The following ZNF536 variants were observed in gnomAD, a reference collection of about 807,000 sequenced individuals.
The protein encoded by ZNF536 is zinc finger protein 536.
Under a neutral mutation model 84.5 loss-of-function variants are expected in ZNF536, and 13 were observed. That is an observed-to-expected ratio of 0.15 (90% CI 0.10 to 0.24). The LOEUF is 0.24. ZNF536 is among the 10% of genes least tolerant of loss of function. The probability of loss-of-function intolerance (pLI) is 1.00; values close to 1 mark genes in which losing one functional copy is unlikely to be tolerated. For synonymous variants in ZNF536, 811 were observed against 742.5 expected, an observed-to-expected ratio of 1.09 and a Z score of -1.50; for missense variants, 1,536 against 1,747.5, an observed-to-expected ratio of 0.88 and a Z score of 2.16.
At chr19:30,226,093 C>A (rs988853015), upstream of ZNF536, among the ~76,000 whole-genome samples, 4 of 151,884 alleles carry the variant, frequency 2.6e-5, no homozygotes, top group African/African-American at 9.7e-5. The surrounding 1 kb of genome is among the most constrained non-coding windows in gnomAD (Gnocchi z 4.6). Context: ...AAAGGAGTCC[C>A]GAGGCCTGGC....
At chr19:30,430,360 CCTGTGCCTGGCT>C (rs1292709077) in intron 1 of ZNF536, among the ~76,000 whole-genome samples, 1 of 152,152 alleles carries the variant, frequency 6.6e-6, no homozygotes, top group East Asian at 1.9e-4. Flanking sequence ...AAGTGCCTCC[CCTGTGCCTGGCT>C]CTGTGTTGGG....
chr19:30,562,115 T>G (rs1404290664), downstream of ZNF536, among the ~76,000 whole-genome samples: 1 of 152,198 alleles, frequency 6.6e-6, no homozygotes, highest in Non-Finnish European at 1.5e-5. Context: ...GTGTCCTCTT[T>G]GGGCACCATT....
intron 1 of ZNF536, among the ~76,000 whole-genome samples, chr19:30,251,714 C>T (rs2024621287): frequency 6.6e-6 from 1 of 152,056 alleles, no homozygotes; most frequent in Admixed American, 6.5e-5. Flanking sequence ...AATTTGTAGT[C>T]TTTTATTCCT....
At chr19:30,514,314 T>G (rs544670186) in intron 2 of ZNF536, among the ~76,000 whole-genome samples, 50 of 152,266 alleles carry the variant, frequency 3.3e-4, no homozygotes, top group African/African-American at 1.2e-3. Context: ...GTTTTCACCC[T>G]GAGCCTCCCC....
rs139517802 is a variant in ZNF536, at chr19:30,483,298, G to A, written c.2170+37566G>A. 3.6e-3 allele frequency among the ~76,000 whole-genome samples: 552 copies of A among 152,226 alleles called. 8 individuals are homozygous for A. The highest frequency in any genetic ancestry group is 0.012 in the African/African-American group (509 of 41,552). On this transcript the variant is annotated intron_variant, in intron 2 of 4. Transcript: ENST00000355537. Reference sequence around the variant, plus strand: ...CCCTTGGCAGGTCAGCTGGCCTCCCGGAAAACATGGTCCTCTCCCCTTCTG... The same window carrying A: ...CCCTTGGCAGGTCAGCTGGCCTCCCAGAAAACATGGTCCTCTCCCCTTCTG...
chr19:30,532,639 G>T (rs2044885510), intron 2 of ZNF536, among the ~76,000 whole-genome samples: 2 of 152,056 alleles, frequency 1.3e-5, no homozygotes, highest in African/African-American at 2.4e-5. Flanking sequence ...TCCAGCAAAA[G>T]GGAAGCTGAG....
chr19:30,566,793 C>G (rs2046365860), intron 1 of ZNF536, among the ~76,000 whole-genome samples: 1 of 149,454 alleles, frequency 6.7e-6, no homozygotes, highest in Non-Finnish European at 1.5e-5. Flanking sequence ...CCTGTGGCCT[C>G]TCCGGACAGT....
At chr19:30,481,094 T>C (rs1264414904) in intron 2 of ZNF536, among the ~76,000 whole-genome samples, 8 of 152,126 alleles carry the variant, frequency 5.3e-5, no homozygotes, top group African/African-American at 1.9e-4. Flanking sequence ...ATTTTTTCTT[T>C]CCTTGGCTTT....
At chr19:30,660,315 G>A (rs947204760) in intron 1 of ZNF536, among the ~76,000 whole-genome samples, 3 of 152,152 alleles carry the variant, frequency 2.0e-5, no homozygotes, top group South Asian at 2.1e-4. Flanking sequence ...TCCGAGAGAC[G>A]TTGTTTGACT....
intron 1 of ZNF536, among the ~76,000 whole-genome samples, chr19:30,585,687 C>A (rs1424408111): frequency 1.3e-5 from 2 of 152,164 alleles, no homozygotes; most frequent in African/African-American, 2.4e-5. Context: ...TCAAGCAGCC[C>A]AGTCTCATCC....
At chr19:30,678,114 T>C (rs2050822089) in intron 1 of ZNF536, among the ~76,000 whole-genome samples, 1 of 152,150 alleles carries the variant, frequency 6.6e-6, no homozygotes, top group South Asian at 2.1e-4. Context: ...AAAGGGTCCA[T>C]GAAAAAGCAG....
intron 1 of ZNF536, among the ~76,000 whole-genome samples, chr19:30,420,352 G>T (rs1361746673): frequency 6.6e-6 from 1 of 152,146 alleles, no homozygotes; most frequent in Non-Finnish European, 1.5e-5. Context: ...CCGCAGTGCG[G>T]TGTGTACAAA....
At chr19:30,480,944 A>C (rs1599527362) in intron 2 of ZNF536, among the ~76,000 whole-genome samples, 1 of 151,030 alleles carries the variant, frequency 6.6e-6, no homozygotes, top group African/African-American at 2.4e-5. Context: ...CTGAGGCAGG[A>C]GAGTCGCCCG....
chr19:30,645,760 T>C (rs1183502846), intron 1 of ZNF536, among the ~76,000 whole-genome samples: 1 of 152,242 alleles, frequency 6.6e-6, no homozygotes, highest in African/African-American at 2.4e-5. Context: ...GGCCGTCTGC[T>C]AGTGGCTGCA....
At chr19:30,343,397 A>G (rs1432271923) in intron 2 of ZNF536, among the ~76,000 whole-genome samples, 3 of 152,172 alleles carry the variant, frequency 2.0e-5, no homozygotes, top group Non-Finnish European at 4.4e-5. Flanking sequence ...GCATCTCTTC[A>G]TAATATGTAT....
At chr19:30,552,495 C>T (rs1049831357) in intron 4 of ZNF536, among the ~76,000 whole-genome samples, 1 of 152,210 alleles carries the variant, frequency 6.6e-6, no homozygotes, top group African/African-American at 2.4e-5. Context: ...CATATAAACT[C>T]CCCACAGATC....
chr19:30,640,011 G>A (rs1211455963), intron 1 of ZNF536, among the ~76,000 whole-genome samples: 1 of 152,224 alleles, frequency 6.6e-6, no homozygotes, highest in Non-Finnish European at 1.5e-5. Flanking sequence ...TTGGGAGGCC[G>A]AGATGGGCAG....
At chr19:30,288,709 T>C (rs1050622086) in intron 2 of ZNF536, among the ~76,000 whole-genome samples, 1 of 152,218 alleles carries the variant, frequency 6.6e-6, no homozygotes, top group African/African-American at 2.4e-5. Context: ...AGTTTTCTCA[T>C]CTGTAAATTG....
At chr19:30,263,155 C>A (rs568887065) in intron 1 of ZNF536, among the ~76,000 whole-genome samples, 1 of 152,254 alleles carries the variant, frequency 6.6e-6, no homozygotes, top group Non-Finnish European at 1.5e-5. Flanking sequence ...CTCTGTGAGA[C>A]CCCAGAATGC....
Sources: allele counts gnomAD v4.1 joint callset (sites outside exome capture counted in the v4.1 genomes callset), GRCh38; gene constraint gnomAD v4.1.1; non-coding constraint Gnocchi (gnomAD v3.1); transcripts MANE v1.5; gene names NCBI Gene and HGNC (gene_info 2026-07-23, HGNC 2026-07-21).